Variants in GAB2 observed in about 807,000 individuals in gnomAD.
The protein encoded by GAB2 is GRB2-associated-binding protein 2.
GAB2 carries 26 observed loss-of-function variants against 65.5 expected under a neutral mutation model. That is an observed-to-expected ratio of 0.40 (90% CI 0.29 to 0.55). GAB2 has a LOEUF of 0.55. Ranked by LOEUF, GAB2 falls within the 20% of genes least tolerant of loss-of-function variation. GAB2 has a pLI of 0.53. For missense variants in GAB2, 884 were observed against 875.8 expected (o/e 1.01, Z -0.12); for synonymous variants, 321 against 329.6 (o/e 0.97, Z 0.28).
chr11:78,402,994 G>A (rs1376714651), intron 1 of GAB2, among the ~76,000 whole-genome samples: 1 of 152,156 alleles, frequency 6.6e-6, no homozygotes, highest in Non-Finnish European at 1.5e-5. Flanking sequence ...GAAACCCTGA[G>A]GAGCTTCTTT....
rs1215199805 is a variant in GAB2, at chr11:78,359,867, G to A, written c.75+57779C>T. 2.0e-5 allele frequency among the ~76,000 whole-genome samples: 3 copies of A among 152,072 alleles called. No homozygotes were observed. In the East Asian group the frequency reaches 5.8e-4, roughly 29 times the overall value. On this transcript the variant is annotated intron_variant, in intron 1 of 9. Transcript: ENST00000361507. ...CCATGTCCTAATCCCTGGAACCTGT[G>A]AATATTACCTTATATGACATAAAAT...
chr11:78,278,949 C>A (rs1018229612), intron 2 of GAB2, among the ~76,000 whole-genome samples: 5 of 152,026 alleles, frequency 3.3e-5, no homozygotes, highest in African/African-American at 1.2e-4. Context: ...GCACTCTAGT[C>A]TCGCTATGCT....
intron 1 of GAB2, among the ~76,000 whole-genome samples, chr11:78,342,644 G>A (rs1162942533): frequency 2.0e-5 from 3 of 152,184 alleles, no homozygotes; most frequent in East Asian, 1.9e-4. Flanking sequence ...TCCTGACCTC[G>A]TGATCCGCCG....
chr11:78,393,078 G>C (rs979070580), intron 1 of GAB2, among the ~76,000 whole-genome samples: 7 of 152,066 alleles, frequency 4.6e-5, no homozygotes, highest in Non-Finnish European at 8.8e-5. Flanking sequence ...GTTGAGGGAA[G>C]ATAAATCTCC....
chr11:78,354,679 G>T (rs1856331277), intron 1 of GAB2, among the ~76,000 whole-genome samples: 1 of 152,104 alleles, frequency 6.6e-6, no homozygotes, highest in Admixed American at 6.6e-5. Flanking sequence ...GGACTTTTCT[G>T]AAGGTCAAAA....
chr11:78,307,330 A>G (rs1425907271), intron 1 of GAB2, among the ~76,000 whole-genome samples: 1 of 152,188 alleles, frequency 6.6e-6, no homozygotes, highest in Non-Finnish European at 1.5e-5. Context: ...TTAAAAAAAA[A>G]TTTAAGGTAA....
chr11:78,225,278 T>G, intron 4 of GAB2, 76 bp from the exon 5 acceptor site: 1 of 942,812 alleles, frequency 1.1e-6, no homozygotes, highest in East Asian at 2.4e-5. Flanking sequence ...CTCACCAGTG[T>G]GGTTCAAGGT....
At chr11:78,262,396 C>T (rs1253410537) in intron 2 of GAB2, among the ~76,000 whole-genome samples, 3 of 152,192 alleles carry the variant, frequency 2.0e-5, no homozygotes, top group Non-Finnish European at 2.9e-5. Flanking sequence ...ATGGGTGCTC[C>T]ACAAATGGTA....
rs373415325 is a variant in GAB2 at position 78,301,330 on chromosome 11, G to GTTTTTTTTT, written c.76-20430_76-20429insAAAAAAAAA. ...TTCATTTTCTTAGTGGTATCTTGTG[G>GTTTTTTTTT]TTTTTTGTTTTTTTTTTGAGACAGA... On this transcript the variant is annotated intron_variant, in intron 1 of 9. Coordinates refer to ENST00000361507, the MANE Select transcript of GAB2 (RefSeq NM_080491.3). Among the ~76,000 whole-genome samples the GTTTTTTTTT allele has an allele frequency of 1.4e-5, 2 of 145,726 alleles. 1 individual carries two copies.
At chr11:78,252,151 G>A (rs1479180845) in intron 2 of GAB2, among the ~76,000 whole-genome samples, 4 of 152,174 alleles carry the variant, frequency 2.6e-5, no homozygotes, top group African/African-American at 9.7e-5. Context: ...CCCTTCTCAT[G>A]GTCCTAGGCA....
At chr11:78,407,422 G>A (rs887436178) in intron 1 of GAB2, among the ~76,000 whole-genome samples, 3 of 152,046 alleles carry the variant, frequency 2.0e-5, no homozygotes, top group African/African-American at 4.8e-5. Context: ...CCTGAGGTCA[G>A]GAGTTCAAGA....
intron 1 of GAB2, among the ~76,000 whole-genome samples, chr11:78,367,881 A>C (rs561482476): frequency 1.5e-4 from 18 of 122,788 alleles, no homozygotes; most frequent in African/African-American, 5.8e-4. Context: ...CAGTGGCGCT[A>C]TCTCTGCTCA....
At chr11:78,303,216 G>A (rs1867082126) in intron 1 of GAB2, among the ~76,000 whole-genome samples, 1 of 134,110 alleles carries the variant, frequency 7.5e-6, no homozygotes. Context: ...TTAAAAAATG[G>A]TTTAGGCTTT....
At chr11:78,273,269 G>C (rs77797070) in intron 2 of GAB2, among the ~76,000 whole-genome samples, 3 of 152,316 alleles carry the variant, frequency 2.0e-5, no homozygotes, top group East Asian at 3.9e-4. Flanking sequence ...CCTGGAAAAG[G>C]TGCAGACATT....
intron 1 of GAB2, among the ~76,000 whole-genome samples, chr11:78,325,451 T>G (rs915120077): frequency 2.0e-5 from 3 of 152,218 alleles, no homozygotes; most frequent in Non-Finnish European, 4.4e-5. Flanking sequence ...CCTAGTCCAC[T>G]GATCATTCCA....
chr11:78,327,956 G>A (rs758864045), intron 1 of GAB2, among the ~76,000 whole-genome samples: 4 of 152,198 alleles, frequency 2.6e-5, no homozygotes, highest in African/African-American at 4.8e-5. Context: ...ATAATAAGCT[G>A]TGCTTTGGCA....
intron 1 of GAB2, among the ~76,000 whole-genome samples, chr11:78,370,057 A>C (rs1273652491): frequency 2.0e-5 from 3 of 151,954 alleles, no homozygotes; most frequent in African/African-American, 7.3e-5. Flanking sequence ...GGAGATCGAG[A>C]CCATCCCGGC....
chr11:78,323,016 C>G (rs1191328649), intron 1 of GAB2, among the ~76,000 whole-genome samples: 1 of 146,166 alleles, frequency 6.8e-6, no homozygotes, highest in Admixed American at 7.1e-5. Flanking sequence ...GACATATGCA[C>G]TCATATGTTT....
intron 2 of GAB2, among the ~76,000 whole-genome samples, chr11:78,254,874 A>G (rs990935350): frequency 1.3e-5 from 2 of 151,970 alleles, no homozygotes; most frequent in Non-Finnish European, 2.9e-5. Flanking sequence ...TTTTGGCACT[A>G]AAACTTGCCA....
Sources: allele counts gnomAD v4.1 joint callset (sites outside exome capture counted in the v4.1 genomes callset), GRCh38; gene constraint gnomAD v4.1.1; transcripts MANE v1.5; gene names NCBI Gene and HGNC (gene_info 2026-07-23, HGNC 2026-07-21).